Variants in PITPNM2 observed in about 807,000 individuals in gnomAD.
PITPNM2 encodes phosphatidylinositol transfer protein membrane associated 2, also known as membrane-associated phosphatidylinositol transfer protein 2.
A neutral mutation model predicts 132.2 loss-of-function variants in PITPNM2; 35 were observed. The observed-to-expected ratio is 0.26, with a 90% CI of 0.20 to 0.35. PITPNM2 has a LOEUF of 0.35. Among genes scored for constraint, PITPNM2 ranks in the 10% least tolerant of loss-of-function variants. PITPNM2 has a pLI of 1.00. For missense variants in PITPNM2, 1,332 were observed against 1,912.0 expected, an observed-to-expected ratio of 0.70 and a Z score of 5.66; for synonymous variants, 738 against 799.2, an observed-to-expected ratio of 0.92 and a Z score of 1.29.
chr12:123,137,911 G>A (rs2043417899), intron 1 of PITPNM2, among the ~76,000 whole-genome samples: 1 of 146,142 alleles, frequency 6.8e-6, no homozygotes, highest in African/African-American at 2.5e-5. Context: ...AAAAAAAGAA[G>A]AAGAAGAAGA....
At chr12:123,029,730 G>T (rs1294331150) in intron 3 of PITPNM2, among the ~76,000 whole-genome samples, 2 of 152,004 alleles carry the variant, frequency 1.3e-5, no homozygotes, top group Admixed American at 1.3e-4. Context: ...GTCTGTATAG[G>T]TCTGTGCATG....
intron 19 of PITPNM2, 28 bp from the exon 20 acceptor site, chr12:122,988,378 G>T (rs748304521): frequency 8.8e-6 from 14 of 1,593,844 alleles, no homozygotes; most frequent in Middle Eastern, 1.7e-4. Flanking sequence ...TGCAGGCTGT[G>T]GGGCAGATGC....
chr12:122,987,992 G>T, intron 20 of PITPNM2, 91 bp from the exon 21 acceptor site: 2 of 1,219,136 alleles, frequency 1.6e-6, no homozygotes, highest in Non-Finnish European at 2.3e-6. Flanking sequence ...TGAGGGGCAG[G>T]CTTGAGCTGT....
At chr12:123,126,902 G>A (rs1036310750) in intron 1 of PITPNM2, among the ~76,000 whole-genome samples, 6 of 152,222 alleles carry the variant, frequency 3.9e-5, no homozygotes, top group Non-Finnish European at 7.4e-5. Context: ...AGCAGTGTCT[G>A]TTCTCTGGTT....
intron 21 of PITPNM2, 38 bp downstream of exon 21, chr12:122,987,747 A>T: frequency 6.2e-7 from 1 of 1,612,952 alleles, no homozygotes. Flanking sequence ...GAGCTCCCCA[A>T]AGTCCCTCCA....
intron 1 of PITPNM2, among the ~76,000 whole-genome samples, chr12:123,120,345 C>G (rs1008803176): frequency 6.6e-6 from 1 of 152,160 alleles, no homozygotes. Flanking sequence ...AAGCAGCATT[C>G]TGGTCTAATA....
chr12:123,031,390 C>T lies in PITPNM2; in HGVS notation c.78+3123G>A, dbSNP rs1349084617. Among the ~76,000 whole-genome samples, 2 of 152,184 alleles carry T rather than the reference C, an allele frequency of 1.3e-5. No homozygotes were observed. Among genetic ancestry groups the T allele is most frequent in the Middle Eastern group, 6.3e-3 (2 of 316 alleles). ...AGGCCAGAACCCAGCGATGCATCCG[C>T]CTGTCTAAGACCCAGCTGGGGCAGG... On this transcript the variant is annotated intron_variant, in intron 3 of 25. Coordinates refer to ENST00000320201, the MANE Select transcript of PITPNM2 (RefSeq NM_020845.3). The surrounding 1 kb of genome is among the most constrained non-coding windows in gnomAD (Gnocchi z 4.5).
chr12:123,141,749 G>A (rs1404433631), intron 1 of PITPNM2, among the ~76,000 whole-genome samples: 1 of 152,086 alleles, frequency 6.6e-6, no homozygotes, highest in African/African-American at 2.4e-5. Context: ...CAGATTTTAT[G>A]AGCCGGCCTC....
In PITPNM2 at chr12:123,014,023, G is replaced by A. The variant is rs1369731105; in HGVS notation, c.98C>T (p.Thr33Ile). The change falls in exon 4 of 26, where the codon ACA becomes ATA. Residue 33 changes from threonine to isoleucine, a missense_variant. Thr to Ile is a moderately conservative substitution (Grantham distance 89). Coordinates refer to ENST00000320201, the MANE Select transcript of PITPNM2 (RefSeq NM_020845.3). ...YMIQKKSRNE[T>I]YGEGSGVEIL... ...CTCCACGCCGCTGCCTTCGCCATAT[G>A]TCTCGTTACGGCTCTTCTTCTGTGG... is the stretch of plus-strand genomic sequence containing the variant. 6.2e-7 allele frequency: 1 copy of A among 1,614,266 alleles called. No homozygotes were observed. The highest frequency in any genetic ancestry group is 8.5e-7 in the Non-Finnish European group (1 of 1,180,050).
Position 123,004,257 on chromosome 12 carries a change from G to C in PITPNM2, c.1048+137C>G. 1 of 762,962 alleles carries C rather than the reference G, an allele frequency of 1.3e-6. No individual in the cohort carries two copies. 47.3% of individuals were successfully genotyped at this position (762,962 alleles called of 1,614,324 possible). On this transcript the variant is annotated intron_variant, in intron 8 of 25. Coordinates refer to ENST00000320201, the MANE Select transcript of PITPNM2 (RefSeq NM_020845.3). This position sits in a 1 kb window ranked among gnomAD's most constrained non-coding sequence, Gnocchi z 4.9. ...AACACCAGGCTGTCCACCTGGGACA[G>C]TGCAGGTATAGGGACTGGATATAGA...
intron 17 of PITPNM2, 140 bp downstream of exon 17, chr12:122,990,405 T>C: frequency 1.6e-6 from 2 of 1,264,984 alleles, no homozygotes; most frequent in Non-Finnish European, 2.2e-6. Flanking sequence ...GCAGCCTCCC[T>C]CCCTCTACCC....
chr12:123,029,802 G>A (rs908134120), intron 3 of PITPNM2, among the ~76,000 whole-genome samples: 3 of 149,276 alleles, frequency 2.0e-5, no homozygotes, highest in Non-Finnish European at 4.4e-5. Flanking sequence ...ATGTACATAT[G>A]TTGTGTGTGG....
chr12:123,021,239 A>T (rs1231182199), intron 3 of PITPNM2, among the ~76,000 whole-genome samples: 1 of 152,166 alleles, frequency 6.6e-6, no homozygotes, highest in Non-Finnish European at 1.5e-5. Context: ...GGTAGAGGCC[A>T]CAAGGTCCAG....
At chr12:122,987,064 G>A (rs533932864) in intron 23 of PITPNM2, among the ~76,000 whole-genome samples, 3 of 152,392 alleles carry the variant, frequency 2.0e-5, no homozygotes, top group East Asian at 3.9e-4. Context: ...TTCCAGATGC[G>A]GGAATTGAAA....
chr12:123,034,455 T>A, intron 3 of PITPNM2, 58 bp downstream of exon 3: 1 of 1,505,482 alleles, frequency 6.6e-7, no homozygotes, highest in Non-Finnish European at 9.2e-7. Context: ...ACATGTGGTG[T>A]CTGTGCGCTG....
intron 1 of PITPNM2, among the ~76,000 whole-genome samples, chr12:123,127,773 C>T (rs2043175199): frequency 6.6e-6 from 1 of 152,072 alleles, no homozygotes; most frequent in Non-Finnish European, 1.5e-5. Flanking sequence ...CCACGCCTGG[C>T]TAATTTTTTG....
At chr12:123,141,975 C>T (rs2043515533) in intron 1 of PITPNM2, among the ~76,000 whole-genome samples, 1 of 152,146 alleles carries the variant, frequency 6.6e-6, no homozygotes, top group Non-Finnish European at 1.5e-5. Context: ...TCAGACAGAA[C>T]ATTCCTCAGG....
chr12:122,991,926 G>A (rs2038206489), intron 16 of PITPNM2: 2 of 1,305,526 alleles, frequency 1.5e-6, no homozygotes, highest in Non-Finnish European at 1.9e-6. Context: ...GAGAACAGAG[G>A]ACAAGAACAG....
intron 14 of PITPNM2, 105 bp from the exon 15 acceptor site, chr12:122,995,084 G>T: frequency 7.8e-7 from 1 of 1,280,208 alleles, no homozygotes; most frequent in Non-Finnish European, 1.1e-6. Flanking sequence ...GGGCCCACTG[G>T]CTTCAGGACA....
Sources: allele counts gnomAD v4.1 joint callset (sites outside exome capture counted in the v4.1 genomes callset), GRCh38; gene constraint gnomAD v4.1.1; non-coding constraint Gnocchi (gnomAD v3.1); transcripts MANE v1.5; gene names NCBI Gene and HGNC (gene_info 2026-07-23, HGNC 2026-07-21).